GCN1: variants seen among roughly 807,000 people sequenced by gnomAD.
The protein encoded by GCN1 is stalled ribosome sensor GCN1.
Under a neutral mutation model 288.4 loss-of-function variants are expected in GCN1, and 90 were observed. The observed-to-expected ratio is 0.31, with a 90% CI of 0.26 to 0.37. The LOEUF is 0.37. GCN1 is among the 10% of genes least tolerant of loss of function. GCN1 has a pLI of 1.00. For missense variants in GCN1, 2,586 were observed against 3,419.9 expected (o/e 0.76, Z 6.08); for synonymous variants, 1,386 against 1,420.2 (o/e 0.98, Z 0.54).
intron 31 of GCN1, among the ~76,000 whole-genome samples, chr12:120,154,681 A>C (rs1877682365): frequency 6.6e-6 from 1 of 152,254 alleles, no homozygotes; most frequent in African/African-American, 2.4e-5. Context: ...GAACTTACTT[A>C]GAGTTCATTT....
In GCN1 at chr12:120,155,100, G is replaced by T; in HGVS notation, c.3631-60C>A. ...GGCAGATCAATGACCTGGGCACCAG[G>T]ATTGTGAGGCAGGAAACTAGCCGCA... is the stretch of plus-strand genomic sequence containing the variant. On this transcript the variant is annotated intron_variant, in intron 30 of 57. Coordinates refer to ENST00000300648, the MANE Select transcript of GCN1 (RefSeq NM_006836.2). The surrounding 1 kb of genome is among the most constrained non-coding windows in gnomAD (Gnocchi z 4.9). 1.3e-6 allele frequency: 2 copies of T among 1,543,804 alleles called. No homozygotes were observed.
intron 1 of GCN1, among the ~76,000 whole-genome samples, chr12:120,191,040 G>A (rs1458462483): frequency 6.6e-6 from 1 of 152,164 alleles, no homozygotes; most frequent in Non-Finnish European, 1.5e-5. Context: ...GACAATAGCA[G>A]CTACCTCATA....
At chr12:120,173,404 G>T (rs1247428407) in intron 14 of GCN1, among the ~76,000 whole-genome samples, 1 of 152,208 alleles carries the variant, frequency 6.6e-6, no homozygotes, top group African/African-American at 2.4e-5. Flanking sequence ...ATAGTGACAA[G>T]TTCTGGTTCT....
At chr12:120,169,737 C>T (rs755863038) in intron 15 of GCN1, among the ~76,000 whole-genome samples, 15 of 152,300 alleles carry the variant, frequency 9.8e-5, no homozygotes, top group Non-Finnish European at 2.1e-4. Flanking sequence ...ATCTTGACTT[C>T]GTGATCCGCC....
At position 120,155,448 on chromosome 12, in the gene GCN1, C is replaced by G; in HGVS notation, c.3441-18G>C. 1 of 1,611,302 alleles carries G rather than the reference C, an allele frequency of 6.2e-7. No individual in the cohort carries two copies. The highest frequency in any genetic ancestry group is 1.1e-5 in the South Asian group (1 of 91,064). On this transcript the variant is annotated intron_variant, in intron 29 of 57. Transcript: ENST00000300648. This position sits in a 1 kb window ranked among gnomAD's most constrained non-coding sequence, Gnocchi z 4.9. ...ACCAGAGCCTGTGGGAGATCCAAGG[C>G]AGGGGCTGCTTAGACAAAGATCTGC...
At position 120,162,947 on chromosome 12, in the gene GCN1, G is replaced by T. The variant is rs758725821; in HGVS notation, c.2063C>A (p.Pro688Gln). ...GATCTTCATCCTGGCAAGAAGTGCT[G>T]GCCAAAGTCCAGACTGCACGGCAAC... Reference protein sequence around the residue: ...SLVAVQSGLWPALLARMKIDP... With the variant: ...SLVAVQSGLWQALLARMKIDP... Residue 688 changes from proline (P) to glutamine (Q), a missense_variant, in exon 20 of 58, where the codon CCA (proline) becomes CAA (glutamine). Coordinates refer to ENST00000300648, the MANE Select transcript of GCN1 (RefSeq NM_006836.2). The T allele has an allele frequency of 2.5e-6, 4 of 1,614,086 alleles. No individual in the cohort carries two copies. Among genetic ancestry groups the T allele is most frequent in the Admixed American group, 1.7e-5 (1 of 60,000 alleles).
intron 22 of GCN1, 195 bp from the exon 23 acceptor site, chr12:120,160,450 A>C (rs914723241): frequency 1.7e-6 from 1 of 585,756 alleles, no homozygotes; most frequent in Non-Finnish European, 3.0e-6. Context: ...GAATGGAGAC[A>C]GCAATAGAGA....
rs375528439 is a variant in GCN1, at chr12:120,130,652, G to A, written c.7665C>T (p.Phe2555=). 7.5e-6 allele frequency: 12 copies of A among 1,610,018 alleles called. No individual in the cohort carries two copies. The highest frequency in any genetic ancestry group is 4.5e-5 in the East Asian group (2 of 44,860). ...ATGCTTGGCCCCCACTCACCTTAAC[G>A]AACAGGCTGGAAAGTTTGGCCGGCA... The part of the protein sequence containing the change: ...GQLPAKLSSL[F]VKCLQNPSSD... Residue 2555 remains phenylalanine, a synonymous_variant, in exon 56 of 58, where the codon TTC becomes TTT. Coordinates refer to ENST00000300648, the MANE Select transcript of GCN1 (RefSeq NM_006836.2).
At chr12:120,161,389 A>G in intron 22 of GCN1, 101 bp downstream of exon 22, 2 of 753,134 alleles carry the variant, frequency 2.7e-6, no homozygotes, top group South Asian at 1.5e-5. Flanking sequence ...CATGGGCCTC[A>G]GGATGTTCCA....
In GCN1 at chr12:120,153,269, T is replaced by TG. The variant is rs1566305674; in HGVS notation, c.4005dup (p.Lys1336GlnfsTer89). On this transcript the variant is annotated frameshift_variant, in exon 33 of 58. Transcript: ENST00000300648. LOFTEE classifies it high-confidence loss of function. The surrounding 1 kb of genome is among the most constrained non-coding windows in gnomAD (Gnocchi z 4.4). ...AGCTTGGCAACAATGGGCTTCACTT[T>TG]GGGGTCACTCTTGTCCAGGTGCTTG... 1 of 1,614,212 alleles carries TG rather than the reference T, an allele frequency of 6.2e-7. No individual in the cohort carries two copies. Among genetic ancestry groups the TG allele is most frequent in the Non-Finnish European group, 8.5e-7 (1 of 1,180,036 alleles).
At position 120,142,488 on chromosome 12, in the gene GCN1, C is replaced by G; in HGVS notation, c.5829+19G>C. The G allele has an allele frequency of 6.2e-7, 1 of 1,601,034 alleles. No individual in the cohort carries two copies. Among genetic ancestry groups the G allele is most frequent in the Non-Finnish European group, 8.6e-7 (1 of 1,168,722 alleles). ...AGGCACTGGGGCTGCTGGTCCAAAA[C>G]AAGGCCCAGGAAACTCACCGTTCTC... On this transcript the variant is annotated intron_variant, in intron 44 of 57. Coordinates refer to ENST00000300648, the MANE Select transcript of GCN1 (RefSeq NM_006836.2). This position sits in a 1 kb window ranked among gnomAD's most constrained non-coding sequence, Gnocchi z 4.9.
intron 38 of GCN1, 126 bp downstream of exon 38, chr12:120,146,926 C>T: frequency 1.9e-6 from 1 of 538,934 alleles, no homozygotes; most frequent in Admixed American, 3.6e-5. Context: ...GCTCATTTCT[C>T]CCCATAAAAA....
intron 22 of GCN1, among the ~76,000 whole-genome samples, chr12:120,160,871 G>A (rs1877902988): frequency 6.6e-6 from 1 of 152,220 alleles, no homozygotes; most frequent in Non-Finnish European, 1.5e-5. Context: ...TTTGGGTTAT[G>A]ATAAATGTTA....
rs778434561 is a variant in GCN1 at position 120,157,773 on chromosome 12, G to A, written c.3087+76C>T. The A allele has an allele frequency of 6.9e-6, 8 of 1,160,548 alleles. No individual in the cohort carries two copies. The Admixed American group carries it at 1.6e-4, about 24-fold the overall frequency. The allele number at this position is 1,160,548 out of a possible 1,614,324, so 71.9% of individuals were successfully genotyped here. A position where few individuals can be genotyped will look rare whatever the true frequency, so the allele number is the denominator to read the frequency against. The stretch of plus-strand genomic sequence containing the variant: ...TATTTCCCCACCAGGAACTGTTCAT[G>A]AGACAAAACGTGTCCACAGGCCCTG... On this transcript the variant is annotated intron_variant, in intron 26 of 57. Transcript: ENST00000300648.
At position 120,184,760 on chromosome 12, in the gene GCN1, C is replaced by A. The variant is rs1048288213; in HGVS notation, c.185+64G>T. The stretch of plus-strand genomic sequence containing the variant: ...GTCTGGCTCTAATCTGGGCTCTAAC[C>A]ACTACTCTAAATCCCCTCTCTGTAC... On this transcript the variant is annotated intron_variant, in intron 3 of 57. Coordinates refer to ENST00000300648, the MANE Select transcript of GCN1 (RefSeq NM_006836.2). The A allele has an allele frequency of 5.1e-5, 61 of 1,196,794 alleles. No homozygotes were observed. The African/African-American group carries it at 8.2e-4, about 16-fold the overall frequency. 74.1% of individuals were successfully genotyped at this position (1,196,794 alleles called of 1,614,324 possible).
rs373394524 is a variant in GCN1, at chr12:120,178,721, G to A, written c.564C>T (p.Leu188=). The A allele has an allele frequency of 5.5e-5, 89 of 1,614,086 alleles. No individual in the cohort carries two copies. The highest frequency in any genetic ancestry group is 7.3e-5 in the Non-Finnish European group (86 of 1,179,996). Reference sequence around the variant, plus strand: ...CATAGTTCTGGTTGGGCTCTAGGCTGAGAATGGCTGACAAGTACTGTTCCA... The same window carrying A: ...CATAGTTCTGGTTGGGCTCTAGGCTAAGAATGGCTGACAAGTACTGTTCCA... ...GLVEQYLSAI[L]SLEPNQNYAG... is the part of the protein sequence containing the mutation. The change falls in exon 7 of 58, where the codon CTC becomes CTT. Residue 188 remains leucine, a synonymous_variant. Transcript: ENST00000300648.
intron 16 of GCN1, among the ~76,000 whole-genome samples, chr12:120,166,445 A>C (rs184847358): frequency 9.0e-5 from 13 of 144,830 alleles, no homozygotes; most frequent in South Asian, 2.2e-4. Flanking sequence ...TGGCTCACGC[A>C]TGTAATCCCA....
At chr12:120,169,291 A>G (rs1298257756) in intron 15 of GCN1, among the ~76,000 whole-genome samples, 3 of 84,138 alleles carry the variant, frequency 3.6e-5, no homozygotes, top group Non-Finnish European at 4.1e-5. Flanking sequence ...AAAAAAAAAA[A>G]AAAAGAAAAA....
chr12:120,194,682 G>C lies in GCN1; in HGVS notation c.16C>G (p.Gln6Glu). The change falls in exon 1 of 58, where the codon CAG becomes GAG. Residue 6 changes from glutamine (Q) to glutamate (E), a missense_variant and splice_region_variant. Physicochemically the swap from Gln to Glu is conservative, Grantham distance 29. Transcript: ENST00000300648. MAADTQVSETLKRFAG... is the reference protein window; with the variant it reads MAADTEVSETLKRFAG... ...GGCCCCGCAGCCGCCCGCCTCACCT[G>C]CGTGTCCGCCGCCATCCTGCCGGGG... is the stretch of plus-strand genomic sequence containing the variant. 6.6e-7 allele frequency: 1 copy of C among 1,513,490 alleles called. No homozygotes were observed. The highest frequency in any genetic ancestry group is 8.8e-7 in the Non-Finnish European group (1 of 1,137,562). 93.8% of individuals were successfully genotyped at this position (1,513,490 alleles called of 1,614,324 possible).
Sources: allele counts gnomAD v4.1 joint callset (sites outside exome capture counted in the v4.1 genomes callset), GRCh38; gene constraint gnomAD v4.1.1; non-coding constraint Gnocchi (gnomAD v3.1); transcripts MANE v1.5; gene names NCBI Gene and HGNC (gene_info 2026-07-23, HGNC 2026-07-21).